Variants in TOM1L2 observed in about 807,000 individuals in gnomAD.
The protein encoded by TOM1L2 is TOM1-like protein 2.
Under a neutral mutation model 67.9 loss-of-function variants are expected in TOM1L2, and 31 were observed. The observed-to-expected ratio is 0.46, with a 90% confidence interval of 0.34 to 0.62. The LOEUF is 0.62. Among genes scored for constraint, TOM1L2 ranks in the 20% least tolerant of loss-of-function variants. TOM1L2 has a pLI of 0.01. For missense variants in TOM1L2, 606 were observed against 663.5 expected (o/e 0.91, Z 0.95); for synonymous variants, 256 against 254.0 (o/e 1.01, Z -0.07).
intron 1 of TOM1L2, among the ~76,000 whole-genome samples, chr17:17,908,229 G>A (rs2039184452): frequency 6.6e-6 from 1 of 152,310 alleles, no homozygotes; most frequent in East Asian, 1.9e-4. Flanking sequence ...AACAAATGGT[G>A]CTGTGAAAAT....
intron 1 of TOM1L2, among the ~76,000 whole-genome samples, chr17:17,926,469 A>G (rs1402606287): frequency 6.6e-6 from 1 of 152,156 alleles, no homozygotes; most frequent in African/African-American, 2.4e-5. Flanking sequence ...GCCAAATACA[A>G]TAGGGTTCTA....
chr17:17,905,602 C>T (rs2039056510), intron 2 of TOM1L2, among the ~76,000 whole-genome samples: 1 of 152,154 alleles, frequency 6.6e-6, no homozygotes, highest in Admixed American at 6.6e-5. Flanking sequence ...GCAGTGACAC[C>T]GTCCTGGTTC....
rs370796784 is a variant in TOM1L2 at position 17,875,656 on chromosome 17, CCT to C, written c.777+3969_777+3970del. 3.7e-4 allele frequency among the ~76,000 whole-genome samples: 56 copies of C among 152,328 alleles called. No homozygotes were observed. The East Asian group carries it at 9.2e-3, about 25-fold the overall frequency. ...ACTATTAGAACACCTTGGTAAATAT[CCT>C]CTTTTTTCTATCTAATTAATCCCAA... On this transcript the variant is annotated intron_variant, in intron 7 of 14. Coordinates refer to ENST00000379504, the MANE Select transcript of TOM1L2 (RefSeq NM_001082968.2).
rs1264209128 is a variant in TOM1L2 at position 17,912,332 on chromosome 17, G to C, written c.53-4801C>G. ...GACGGGGTGGCTGCCGGGCGGAGAC[G>C]CTCCTCACTTCCCAGACGGGGTGGC... On this transcript the variant is annotated intron_variant, in intron 1 of 14. Coordinates refer to ENST00000379504, the MANE Select transcript of TOM1L2 (RefSeq NM_001082968.2). Among the ~76,000 whole-genome samples, 7 of 150,916 alleles carry C rather than the reference G, an allele frequency of 4.6e-5. No homozygotes were observed. The East Asian group carries it at 1.2e-3, about 26-fold the overall frequency.
intron 1 of TOM1L2, among the ~76,000 whole-genome samples, chr17:17,957,495 G>A (rs1011377159): frequency 1.3e-5 from 2 of 152,112 alleles, no homozygotes; most frequent in Non-Finnish European, 2.9e-5. Context: ...TTGACAGTGC[G>A]TATCTTGATG....
At chr17:17,875,885 C>T (rs1275165491) in intron 7 of TOM1L2, among the ~76,000 whole-genome samples, 1 of 152,210 alleles carries the variant, frequency 6.6e-6, no homozygotes, top group Non-Finnish European at 1.5e-5. Context: ...TGAAGCTAAA[C>T]ATGTAGAATA....
intron 1 of TOM1L2, among the ~76,000 whole-genome samples, chr17:17,907,799 T>C (rs895356713): frequency 6.6e-6 from 1 of 152,052 alleles, no homozygotes; most frequent in Non-Finnish European, 1.5e-5. Flanking sequence ...ACCCCAAACA[T>C]GAGGATATTA....
rs748862321 is a variant in TOM1L2, at chr17:17,861,523, C to T, written c.1231G>A (p.Gly411Arg). 4.4e-5 allele frequency: 71 copies of T among 1,613,960 alleles called. No homozygotes were observed. Among genetic ancestry groups the T allele is most frequent in the South Asian group, 1.1e-5 (1 of 91,082 alleles). Residue 411 changes from glycine to arginine, a missense_variant, in exon 12 of 15, where the codon GGA (glycine) becomes AGA (arginine). Transcript: ENST00000379504. Reference protein sequence around the residue: ...TVTYEDPQAVGGLASALDNRK... With the variant: ...TVTYEDPQAVRGLASALDNRK... ...TTGTCTAGTGCAGAAGCAAGTCCTC[C>T]GACAGCCTGAGGATCCTCATAGGTT...
chr17:17,880,089 C>T (rs1442343068), intron 6 of TOM1L2, among the ~76,000 whole-genome samples: 3 of 152,202 alleles, frequency 2.0e-5, no homozygotes, highest in Non-Finnish European at 4.4e-5. Flanking sequence ...CTGAACCTCT[C>T]AGGGCTTCCG....
intron 1 of TOM1L2, among the ~76,000 whole-genome samples, chr17:17,910,619 G>A (rs948856006): frequency 1.4e-4 from 21 of 152,014 alleles, no homozygotes; most frequent in African/African-American, 5.1e-4. Flanking sequence ...GTGCAGGCTG[G>A]AGCGCAATGG....
At chr17:17,947,754 A>G (rs907286709) in intron 1 of TOM1L2, among the ~76,000 whole-genome samples, 3 of 152,224 alleles carry the variant, frequency 2.0e-5, no homozygotes, top group Non-Finnish European at 4.4e-5. Flanking sequence ...CTCAGGCTCA[A>G]AGAGGTTACT....
chr17:17,899,243 C>T (rs1437893034), intron 2 of TOM1L2, among the ~76,000 whole-genome samples: 2 of 152,224 alleles, frequency 1.3e-5, no homozygotes, highest in African/African-American at 4.8e-5. Context: ...ATGAGAGACA[C>T]AGAAGAGAGC....
At chr17:17,899,259 A>G (rs1350493641) in intron 2 of TOM1L2, among the ~76,000 whole-genome samples, 1 of 152,180 alleles carries the variant, frequency 6.6e-6, no homozygotes, top group African/African-American at 2.4e-5. Context: ...AGAGCGTGCC[A>G]GGTCCTTGTG....
At chr17:17,928,852 C>T (rs542675844) in intron 1 of TOM1L2, among the ~76,000 whole-genome samples, 30 of 152,270 alleles carry the variant, frequency 2.0e-4, no homozygotes, top group African/African-American at 7.0e-4. Flanking sequence ...GAAAGGCATT[C>T]CTCAGTATCA....
chr17:17,912,003 G>A (rs2039379193), intron 1 of TOM1L2, among the ~76,000 whole-genome samples: 1 of 150,682 alleles, frequency 6.6e-6, no homozygotes, highest in African/African-American at 2.4e-5. Context: ...TCCCAAGGCA[G>A]AAGAATTTTT....
chr17:17,898,431 A>T (rs60743050), intron 3 of TOM1L2, among the ~76,000 whole-genome samples, 165 bp downstream of exon 3: 6,323 of 152,308 alleles, frequency 0.042, 135 homozygotes, highest in African/African-American at 0.055. Flanking sequence ...AGGACAGGAA[A>T]ACCCAAAGGC....
intron 12 of TOM1L2, 42 bp from the exon 13 acceptor site, chr17:17,850,994 G>T: frequency 6.2e-7 from 1 of 1,607,098 alleles, no homozygotes; most frequent in Non-Finnish European, 8.5e-7. Flanking sequence ...CCCCCACACA[G>T]CCAGCGAGGG....
chr17:17,899,550 T>C (rs1325686825), intron 2 of TOM1L2, among the ~76,000 whole-genome samples: 1 of 152,244 alleles, frequency 6.6e-6, no homozygotes, highest in Non-Finnish European at 1.5e-5. Flanking sequence ...AGTATACATA[T>C]TACATGTAGG....
chr17:17,953,450 G>T (rs2041294422), intron 1 of TOM1L2, among the ~76,000 whole-genome samples: 1 of 152,090 alleles, frequency 6.6e-6, no homozygotes, highest in Non-Finnish European at 1.5e-5. Flanking sequence ...GGAGTGCCCC[G>T]GATCACTTTC....
Sources: gnomAD v4.1 joint callset for allele counts (sites outside exome capture counted in the v4.1 genomes callset) on GRCh38, gnomAD v4.1.1 for gene constraint, MANE v1.5 for transcripts, NCBI Gene and HGNC (gene_info 2026-07-23, HGNC 2026-07-21) for gene names.